The following WDR7 variants were observed in gnomAD, a reference collection of about 807,000 sequenced individuals.
WDR7 encodes the protein WD repeat-containing protein 7.
In WDR7, 46 loss-of-function variants were observed where a neutral mutation model predicts 169.4. That is an observed-to-expected ratio of 0.27 (90% CI 0.21 to 0.35). WDR7 has a LOEUF of 0.35. Among genes scored for constraint, WDR7 ranks in the 10% least tolerant of loss-of-function variants. WDR7 has a pLI of 1.00. For synonymous variants in WDR7, 612 were observed against 666.8 expected (o/e 0.92, Z 1.27); for missense variants, 1,534 against 1,859.3 (o/e 0.83, Z 3.22).
At chr18:56,786,523 CTA>C (rs1163648155) in intron 19 of WDR7, among the ~76,000 whole-genome samples, 1 of 150,686 alleles carries the variant, frequency 6.6e-6, no homozygotes, top group Non-Finnish European at 1.5e-5. Flanking sequence ...GAGCGAGACT[CTA>C]TCTCCAAAAA....
intron 21 of WDR7, among the ~76,000 whole-genome samples, chr18:56,886,618 A>C (rs1055235628): frequency 6.6e-6 from 1 of 152,226 alleles, no homozygotes; most frequent in Non-Finnish European, 1.5e-5. Context: ...ATAATACCTC[A>C]TATCTCAGTA....
intron 25 of WDR7, among the ~76,000 whole-genome samples, chr18:56,945,889 G>C (rs557935728): frequency 3.7e-4 from 56 of 152,064 alleles, no homozygotes; most frequent in Non-Finnish European, 5.6e-4. Context: ...AAAACCTTAA[G>C]TCCTTGGATG....
At chr18:56,966,733 C>T (rs974567129) in intron 26 of WDR7, among the ~76,000 whole-genome samples, 5 of 152,186 alleles carry the variant, frequency 3.3e-5, no homozygotes, top group East Asian at 3.9e-4. Context: ...ATCAAGGATA[C>T]GGGGTTTCTG....
At chr18:56,838,120 G>A (rs1455013001) in intron 20 of WDR7, among the ~76,000 whole-genome samples, 1 of 152,126 alleles carries the variant, frequency 6.6e-6, no homozygotes, top group Non-Finnish European at 1.5e-5. Context: ...GCATTATGAT[G>A]ATATATAAAA....
intron 12 of WDR7, among the ~76,000 whole-genome samples, chr18:56,698,479 G>A (rs1361518799): frequency 4.6e-5 from 7 of 151,634 alleles, no homozygotes; most frequent in South Asian, 2.1e-4. Flanking sequence ...GGTGGCAGGC[G>A]CCTGTAGTCC....
intron 20 of WDR7, among the ~76,000 whole-genome samples, chr18:56,854,094 G>A (rs891070905): frequency 2.0e-5 from 3 of 152,128 alleles, no homozygotes; most frequent in Admixed American, 6.5e-5. Flanking sequence ...CACTGCAGTC[G>A]GCACAGAAGC....
At chr18:56,770,798 C>T (rs2044142579) in intron 16 of WDR7, among the ~76,000 whole-genome samples, 1 of 150,886 alleles carries the variant, frequency 6.6e-6, no homozygotes, top group African/African-American at 2.4e-5. Context: ...TAAGGATATC[C>T]TTTTTTTTTC....
intron 26 of WDR7, among the ~76,000 whole-genome samples, chr18:57,001,098 A>G (rs1399838173): frequency 1.4e-5 from 2 of 148,094 alleles, no homozygotes; most frequent in Admixed American, 1.4e-4. Context: ...ATGTAAGTTT[A>G]TGTTTAGGGC....
chr18:56,916,922 G>A (rs2046635709), intron 21 of WDR7, among the ~76,000 whole-genome samples: 1 of 152,124 alleles, frequency 6.6e-6, no homozygotes, highest in Non-Finnish European at 1.5e-5. Context: ...AATTAGCCGG[G>A]CGTGGTGGCT....
At chr18:56,989,460 C>A (rs1004328322) in intron 26 of WDR7, among the ~76,000 whole-genome samples, 1 of 152,010 alleles carries the variant, frequency 6.6e-6, no homozygotes, top group Admixed American at 6.6e-5. Flanking sequence ...AGAGTCTGTT[C>A]ATTTTATAGA....
intron 26 of WDR7, among the ~76,000 whole-genome samples, chr18:56,963,412 ACTGT>A (rs2047362762): frequency 1.3e-5 from 2 of 152,154 alleles, no homozygotes; most frequent in African/African-American, 4.8e-5. Flanking sequence ...AAAATGTTAA[ACTGT>A]CTGTTAAATT....
intron 27 of WDR7, among the ~76,000 whole-genome samples, chr18:57,022,637 CT>C (rs1330376560): frequency 6.6e-6 from 1 of 152,126 alleles, no homozygotes; most frequent in Non-Finnish European, 1.5e-5. Context: ...GTTAAATTAT[CT>C]TTTTCCCCTA....
intron 14 of WDR7, among the ~76,000 whole-genome samples, chr18:56,735,707 G>A (rs1350102413): frequency 6.6e-6 from 1 of 152,202 alleles, no homozygotes; most frequent in Non-Finnish European, 1.5e-5. Flanking sequence ...TAAAGGGCTA[G>A]ATAGTAAATA....
At chr18:56,983,467 A>G (rs1389542765) in intron 26 of WDR7, among the ~76,000 whole-genome samples, 1 of 152,196 alleles carries the variant, frequency 6.6e-6, no homozygotes. Flanking sequence ...CCTACCAGTC[A>G]TAAATGTAGA....
At chr18:56,866,752 T>G (rs984617300) in intron 20 of WDR7, among the ~76,000 whole-genome samples, 4 of 151,968 alleles carry the variant, frequency 2.6e-5, no homozygotes, top group African/African-American at 9.7e-5. Flanking sequence ...GTGGTAGGAG[T>G]TTTCAGTAAA....
intron 19 of WDR7, among the ~76,000 whole-genome samples, chr18:56,785,124 A>G (rs975707193): frequency 2.6e-5 from 4 of 152,316 alleles, no homozygotes; most frequent in African/African-American, 9.6e-5. Flanking sequence ...TGAAAGGAGA[A>G]GAAAGCTTAC....
chr18:56,952,898 A>T (rs745527021), intron 25 of WDR7, among the ~76,000 whole-genome samples: 3 of 152,210 alleles, frequency 2.0e-5, no homozygotes, highest in Non-Finnish European at 4.4e-5. Flanking sequence ...AAATGGCAAA[A>T]CTATAGTCAG....
chr18:56,902,285 T>C (rs764314228), intron 21 of WDR7, among the ~76,000 whole-genome samples: 6 of 152,234 alleles, frequency 3.9e-5, no homozygotes, highest in Non-Finnish European at 7.3e-5. Context: ...CTGTTTTCAT[T>C]GCCCAGAAAT....
chr18:56,885,993 T>G (rs2046186716), intron 21 of WDR7, among the ~76,000 whole-genome samples: 1 of 152,178 alleles, frequency 6.6e-6, no homozygotes. Flanking sequence ...CCTCTCCTGT[T>G]TAAACCTAAG....
Sources: allele counts gnomAD v4.1 joint callset (sites outside exome capture counted in the v4.1 genomes callset), GRCh38; gene constraint gnomAD v4.1.1; transcripts MANE v1.5; gene names NCBI Gene and HGNC (gene_info 2026-07-23, HGNC 2026-07-21).